PGCKA1: variants seen among roughly 807,000 people sequenced by gnomAD.
The protein encoded by PGCKA1 is PDCD10 and GCKIII kinases associated 1.
At chr4:37,476,967 A>T in the PGCKA1 span, among the ~76,000 whole-genome samples, 1 of 152,178 alleles carries the variant, frequency 6.6e-6, no homozygotes, top group East Asian at 1.9e-4. Flanking sequence ...AATATGGTGC[A>T]TCCATGTTGG....
chr4:37,580,858 G>A, the PGCKA1 span, among the ~76,000 whole-genome samples: 2 of 152,160 alleles, frequency 1.3e-5, no homozygotes, highest in Non-Finnish European at 2.9e-5. Flanking sequence ...AGATACCCCA[G>A]GCCCTAAGTG....
At chr4:37,548,307 A>C in the PGCKA1 span, among the ~76,000 whole-genome samples, 1 of 152,180 alleles carries the variant, frequency 6.6e-6, no homozygotes, top group Non-Finnish European at 1.5e-5. Context: ...AAATATTATA[A>C]GGAGGCATAA....
chr4:37,479,695 A>G, the PGCKA1 span, among the ~76,000 whole-genome samples: 65 of 152,356 alleles, frequency 4.3e-4, no homozygotes, highest in African/African-American at 1.6e-3. Context: ...AAGAAGACCT[A>G]TGAATTTGGA....
the PGCKA1 span, chr4:37,590,344 G>T: frequency 6.2e-7 from 1 of 1,613,696 alleles, no homozygotes; most frequent in Non-Finnish European, 8.5e-7. Context: ...CCATGCCTGC[G>T]GTGTCAACGG....
chr4:37,496,858 C>T, the PGCKA1 span, among the ~76,000 whole-genome samples: 3 of 151,780 alleles, frequency 2.0e-5, no homozygotes, highest in East Asian at 1.9e-4. Context: ...TTTTTGTGGC[C>T]GTTGTGAATG....
At chr4:37,549,440 A>G in the PGCKA1 span, among the ~76,000 whole-genome samples, 1 of 152,194 alleles carries the variant, frequency 6.6e-6, no homozygotes, top group African/African-American at 2.4e-5. Context: ...GGGGTTTCCA[A>G]AGGCTGACCC....
chr4:37,575,119 A>C, the PGCKA1 span, among the ~76,000 whole-genome samples: 1 of 152,186 alleles, frequency 6.6e-6, no homozygotes, highest in Non-Finnish European at 1.5e-5. Context: ...TATACTCAGC[A>C]ATGGGATTGC....
At chr4:37,509,650 C>T in the PGCKA1 span, among the ~76,000 whole-genome samples, 2 of 151,022 alleles carry the variant, frequency 1.3e-5, no homozygotes, top group South Asian at 4.2e-4. Flanking sequence ...GAGATCACGC[C>T]ACCGCACTCC....
chr4:37,546,984 G>T, the PGCKA1 span, among the ~76,000 whole-genome samples: 5 of 152,224 alleles, frequency 3.3e-5, no homozygotes, highest in Non-Finnish European at 7.3e-5. Context: ...GATCACCCAC[G>T]GCATGCCTTA....
At chr4:37,481,728 C>T in the PGCKA1 span, among the ~76,000 whole-genome samples, 11 of 152,090 alleles carry the variant, frequency 7.2e-5, no homozygotes, top group Admixed American at 7.2e-4. Flanking sequence ...TCCTCAAATA[C>T]ATTTACTTTC....
At chr4:37,590,192 G>T in the PGCKA1 span, 5 of 1,614,214 alleles carry the variant, frequency 3.1e-6, no homozygotes, top group Non-Finnish European at 4.2e-6. Flanking sequence ...GGCAAATGGA[G>T]CAGTGAAGTC....
the PGCKA1 span, among the ~76,000 whole-genome samples, chr4:37,476,196 G>GT: frequency 2.0e-5 from 3 of 152,022 alleles, no homozygotes; most frequent in African/African-American, 7.2e-5. Flanking sequence ...GGACCAAAAG[G>GT]TAAATATATT....
the PGCKA1 span, among the ~76,000 whole-genome samples, chr4:37,497,361 G>A: frequency 1.3e-5 from 2 of 152,084 alleles, no homozygotes; most frequent in African/African-American, 4.8e-5. Flanking sequence ...TTGGTTCCAC[G>A]ATTTTGCAAT....
the PGCKA1 span, among the ~76,000 whole-genome samples, chr4:37,482,705 G>A: frequency 1.3e-5 from 2 of 152,134 alleles, no homozygotes; most frequent in African/African-American, 4.8e-5. Context: ...GACCTTAATG[G>A]CAGCCCCTCC....
At chr4:37,488,778 G>A in the PGCKA1 span, among the ~76,000 whole-genome samples, 3 of 151,940 alleles carry the variant, frequency 2.0e-5, no homozygotes, top group African/African-American at 4.8e-5. Context: ...GCTTTCCTCC[G>A]TCTTTAACCT....
the PGCKA1 span, among the ~76,000 whole-genome samples, chr4:37,511,819 C>G: frequency 6.6e-6 from 1 of 152,162 alleles, no homozygotes; most frequent in Non-Finnish European, 1.5e-5. Flanking sequence ...CACTTGCAGT[C>G]GTTCTGGCCT....
chr4:37,543,833 C>CA, the PGCKA1 span, among the ~76,000 whole-genome samples: 82,476 of 146,096 alleles, frequency 0.56, 24,153 homozygotes, highest in Middle Eastern at 0.72. Context: ...GACTCCGTCT[C>CA]AAAAAAAAAA....
the PGCKA1 span, among the ~76,000 whole-genome samples, chr4:37,474,652 C>G: frequency 6.6e-6 from 1 of 152,156 alleles, no homozygotes; most frequent in Non-Finnish European, 1.5e-5. Flanking sequence ...TGAGCACCTA[C>G]TATGTACTAG....
the PGCKA1 span, among the ~76,000 whole-genome samples, chr4:37,508,074 T>A: frequency 6.6e-6 from 1 of 152,158 alleles, no homozygotes; most frequent in African/African-American, 2.4e-5. Flanking sequence ...TTGTATGTTA[T>A]TTGTTTCTGT....
Sources: gnomAD v4.1 joint callset for allele counts (sites outside exome capture counted in the v4.1 genomes callset) on GRCh38, gnomAD v4.1.1 for gene constraint, MANE v1.5 for transcripts, NCBI Gene and HGNC (gene_info 2026-07-23, HGNC 2026-07-21) for gene names.